The following MPDZ variants were observed in gnomAD, a reference collection of about 807,000 sequenced individuals.
MPDZ encodes multiple PDZ domain protein.
MPDZ carries 234 observed loss-of-function variants against 239.1 expected under a neutral mutation model. The ratio of observed to expected loss-of-function variants is 0.98; its 90% CI spans 0.88 to 1.09. The LOEUF is 1.09. MPDZ is among the 50% of genes least tolerant of loss of function. The probability of loss-of-function intolerance (pLI) is 0.00; values close to 1 mark genes in which losing one functional copy is unlikely to be tolerated. For missense variants in MPDZ, 3,175 were observed against 2,510.0 expected, an observed-to-expected ratio of 1.26 and a Z score of -5.66; for synonymous variants, 1,048 against 881.3, an observed-to-expected ratio of 1.19 and a Z score of -3.35.
At chr9:13,242,449 G>A (rs13296638) in intron 3 of MPDZ, among the ~76,000 whole-genome samples, 16,751 of 151,524 alleles carry the variant, frequency 0.11, 1,073 homozygotes, top group Non-Finnish European at 0.13. Flanking sequence ...TGCTGGTCTC[G>A]ACCTCCTGGC....
chr9:13,135,590 C>G (rs1458708606), intron 31 of MPDZ: 5 of 152,184 alleles, frequency 3.3e-5, no homozygotes, highest in African/African-American at 1.2e-4. Flanking sequence ...ACAAAGCTGG[C>G]ACATGTTGGC....
rs1195312833 is a variant in MPDZ, at chr9:13,222,436, A to G, written c.544T>C (p.Leu182=). ...EGSVAHRDGR[L]KETDQILAIN... ...GCAAGAATTTGATCAGTTTCTTTCA[A>G]TCTTCCATCTCTATCAAGGATGCAA... Residue 182 remains leucine (L), a synonymous_variant, in exon 6 of 47, where the codon TTG becomes CTG. Coordinates refer to ENST00000319217, the MANE Select transcript of MPDZ (RefSeq NM_001378778.1). 1 of 1,611,500 alleles carries G rather than the reference A, an allele frequency of 6.2e-7. No individual in the cohort carries two copies. The highest frequency in any genetic ancestry group is 1.1e-5 in the South Asian group (1 of 90,938).
intron 4 of MPDZ, 34 bp downstream of exon 4, chr9:13,224,340 T>A: frequency 6.7e-7 from 1 of 1,502,822 alleles, no homozygotes; most frequent in Admixed American, 1.7e-5. Flanking sequence ...TTACTACAGG[T>A]ATTACAATAA....
chr9:13,193,180 T>C lies in MPDZ; in HGVS notation c.1790A>G (p.Asp597Gly), dbSNP rs1333652012. 3.8e-6 allele frequency: 6 copies of C among 1,580,398 alleles called. No homozygotes were observed. The South Asian group carries it at 7.1e-5, about 19-fold the overall frequency. Residue 597 changes from aspartate (D) to glycine (G), a missense_variant, in exon 14 of 47, where the codon GAC becomes GGC. Asp to Gly is a moderately conservative substitution (Grantham distance 94). Transcript: ENST00000319217. ...VGHSGKLFSG[D>G]ELLEVNGITL... The stretch of plus-strand genomic sequence containing the variant: ...ATAGCTCCTTACTTCCAATAGCTCG[T>C]CTCCACTGAAGAGCTTCCCGCTGTG...
chr9:13,219,483 T>C (rs1564061393), intron 8 of MPDZ, 76 bp downstream of exon 8: 1 of 1,322,114 alleles, frequency 7.6e-7, no homozygotes. Flanking sequence ...GTAAGTCTAG[T>C]TTCTAAGTAA....
chr9:13,159,241 C>G (rs922527417), intron 23 of MPDZ, among the ~76,000 whole-genome samples: 2 of 152,094 alleles, frequency 1.3e-5, no homozygotes, highest in Non-Finnish European at 2.9e-5. Context: ...CTTTCTTGGA[C>G]CTGAATGTTA....
intron 22 of MPDZ, among the ~76,000 whole-genome samples, chr9:13,166,702 T>C (rs1419139739): frequency 6.6e-6 from 1 of 152,054 alleles, no homozygotes; most frequent in Admixed American, 6.6e-5. Flanking sequence ...AAGCTAGCTC[T>C]CTAGATACCC....
intron 12 of MPDZ, among the ~76,000 whole-genome samples, chr9:13,200,671 T>C (rs910521227): frequency 3.3e-5 from 5 of 152,028 alleles, no homozygotes; most frequent in Non-Finnish European, 7.4e-5. Flanking sequence ...TATTGACTCA[T>C]TCACTGTTCA....
rs1416634424 is a variant in MPDZ at position 13,123,158 on chromosome 9, G to A, written c.4948C>T (p.Leu1650=). The change falls in exon 36 of 47, where the codon CTG becomes TTG. Residue 1650 remains leucine, a synonymous_variant. Transcript: ENST00000319217. The part of the protein sequence containing the change: ...GLSIVGGSDT[L]LGAIIIHEVY... ...CACCTCTGGGTGGTGCTCACCAGCA[G>A]CGTGTCTGAACCCCCAACGATGCTC... The A allele has an allele frequency of 1.2e-6, 2 of 1,611,942 alleles. No individual in the cohort carries two copies. Among genetic ancestry groups the A allele is most frequent in the African/African-American group, 2.7e-5 (2 of 74,968 alleles).
intron 21 of MPDZ, among the ~76,000 whole-genome samples, chr9:13,169,945 C>T (rs939420650): frequency 6.6e-6 from 1 of 152,184 alleles, no homozygotes; most frequent in Admixed American, 6.6e-5. Flanking sequence ...CTCAGAAAGT[C>T]CTTCTCAACA....
chr9:13,276,834 G>C (rs1330138), intron 1 of MPDZ: 148,688 of 152,306 alleles, frequency 0.98, 72,667 homozygotes, highest in East Asian at 1. Context: ...CTACCTCTAA[G>C]TGAGGATAGT....
intron 19 of MPDZ, 120 bp from the exon 20 acceptor site, chr9:13,176,537 A>C (rs1952517126): frequency 1.1e-6 from 1 of 894,276 alleles, no homozygotes. Flanking sequence ...ACAATTATTT[A>C]TTACTCAAAA....
intron 1 of MPDZ, among the ~76,000 whole-genome samples, chr9:13,272,887 G>T (rs1053341877): frequency 1.3e-5 from 2 of 151,930 alleles, no homozygotes; most frequent in Non-Finnish European, 1.5e-5. Flanking sequence ...CTATTAAGGG[G>T]GCTGCTATGG....
chr9:13,126,255 T>A (rs913756547), intron 34 of MPDZ, among the ~76,000 whole-genome samples: 1 of 152,210 alleles, frequency 6.6e-6, no homozygotes, highest in Non-Finnish European at 1.5e-5. Flanking sequence ...GAGTTTAAAG[T>A]TTTCCTAAGG....
intron 1 of MPDZ, among the ~76,000 whole-genome samples, chr9:13,263,855 C>T (rs1260982193): frequency 2.6e-5 from 4 of 152,152 alleles, no homozygotes; most frequent in African/African-American, 9.6e-5. Context: ...ACTTATATAT[C>T]TTCTATGAAT....
At chr9:13,224,311 A>C in intron 4 of MPDZ, 63 bp downstream of exon 4, 1 of 1,382,540 alleles carries the variant, frequency 7.2e-7, no homozygotes. Context: ...ATTATCCATA[A>C]CTTGATCACA....
intron 24 of MPDZ, among the ~76,000 whole-genome samples, chr9:13,153,263 G>A (rs1475266652): frequency 1.3e-5 from 2 of 152,020 alleles, no homozygotes; most frequent in East Asian, 1.9e-4. Flanking sequence ...TCTTTTTCTT[G>A]ACTGCAAATC....
Position 13,259,994 on chromosome 9 carries a change from C to T in MPDZ, c.-57-9622G>A, listed in dbSNP as rs377085356. Reference sequence around the variant, plus strand: ...GATTACAGGCACCTGCCACCACGCCCGGCTAATTTTTTTTTTTTTGTAATT... The same window carrying T: ...GATTACAGGCACCTGCCACCACGCCTGGCTAATTTTTTTTTTTTTGTAATT... On this transcript the variant is annotated intron_variant, in intron 1 of 46. Transcript: ENST00000319217. 4.6e-5 allele frequency among the ~76,000 whole-genome samples: 7 copies of T among 151,556 alleles called. No individual in the cohort carries two copies. The East Asian group carries it at 1.4e-3, about 29-fold the overall frequency.
chr9:13,175,631 G>C (rs550888310), intron 21 of MPDZ, 121 bp downstream of exon 21: 10 of 1,059,356 alleles, frequency 9.4e-6, no homozygotes, highest in African/African-American at 6.4e-5. Flanking sequence ...AAAAACTACA[G>C]GAAAATTTCT....
Sources: allele counts gnomAD v4.1 joint callset (sites outside exome capture counted in the v4.1 genomes callset), GRCh38; gene constraint gnomAD v4.1.1; transcripts MANE v1.5; gene names NCBI Gene and HGNC (gene_info 2026-07-23, HGNC 2026-07-21).